Variants in ZNF532 observed in about 807,000 individuals in gnomAD.
The protein encoded by ZNF532 is zinc finger protein 532.
ZNF532 carries 22 observed loss-of-function variants against 89.3 expected under a neutral mutation model. The observed-to-expected ratio is 0.25, with a 90% CI of 0.18 to 0.35. ZNF532 has a LOEUF of 0.35. Ranked by LOEUF, ZNF532 falls within the 10% of genes least tolerant of loss-of-function variation. The pLI is 1.00. For synonymous variants in ZNF532, 606 were observed against 649.6 expected (o/e 0.93, Z 1.02); for missense variants, 1,132 against 1,643.4 (o/e 0.69, Z 5.38).
chr18:58,879,810 G>A (rs62093548), intron 2 of ZNF532, among the ~76,000 whole-genome samples: 13,750 of 152,144 alleles, frequency 0.09, 801 homozygotes, highest in Non-Finnish European at 0.13. Flanking sequence ...TCCGTCTTTC[G>A]TCTGTTCTCC....
chr18:58,970,804 C>G (rs1418871014), intron 7 of ZNF532, among the ~76,000 whole-genome samples: 1 of 152,250 alleles, frequency 6.6e-6, no homozygotes, highest in African/African-American at 2.4e-5. Flanking sequence ...CCCCACTGGC[C>G]AGTGGAGGTG....
rs117117551 is a variant in ZNF532, at chr18:58,925,079, T to C, written c.2346+4446T>C. Among the ~76,000 whole-genome samples the C allele has an allele frequency of 9.4e-4, 143 of 152,308 alleles. 4 individuals are homozygous for C. In the East Asian group the frequency reaches 0.022, roughly 23 times the overall value. On this transcript the variant is annotated intron_variant, in intron 3 of 9. Transcript: ENST00000591808. Reference sequence around the variant, plus strand: ...ATGATGGATAAAGCTATTATTAACATTGTGTATAGGTTTTTTTGTGGACAT... The same window carrying C: ...ATGATGGATAAAGCTATTATTAACACTGTGTATAGGTTTTTTTGTGGACAT...
At position 58,918,915 on chromosome 18, in the gene ZNF532, A is replaced by G; in HGVS notation, c.628A>G (p.Ile210Val). Residue 210 changes from isoleucine (I) to valine (V), a missense_variant, in exon 3 of 10, where the codon ATA (isoleucine) becomes GTA (valine). Physicochemically the swap from Ile to Val is conservative, Grantham distance 29 (BLOSUM62 3). This residue lies in a region of ZNF532 where 302 missense variants were observed against 319.8 expected (regional missense o/e 0.94). Transcript: ENST00000591808. ...TAAGAGAGAAACAGAAGCCAGTTCTATAAACCTGAGTGTTTATGAACCTTT... is the reference window on the plus strand; with the variant it reads ...TAAGAGAGAAACAGAAGCCAGTTCTGTAAACCTGAGTGTTTATGAACCTTT... ...AVKRETEASSINLSVYEPFKV... is the reference protein window; with the variant it reads ...AVKRETEASSVNLSVYEPFKV... The G allele has an allele frequency of 6.2e-6, 10 of 1,614,004 alleles. No individual in the cohort carries two copies. Among genetic ancestry groups the G allele is most frequent in the East Asian group, 2.2e-5 (1 of 44,888 alleles).
intron 7 of ZNF532, among the ~76,000 whole-genome samples, chr18:58,963,292 T>A (rs2065548750): frequency 1.3e-5 from 2 of 152,206 alleles, no homozygotes; most frequent in South Asian, 2.1e-4. Context: ...GCATTTTCCA[T>A]ACAGGGTGCA....
At chr18:58,863,516 C>G, upstream of ZNF532, 2 of 144,386 alleles carry the variant, frequency 1.4e-5, no homozygotes, top group Non-Finnish European at 1.5e-5. Flanking sequence ...CCGCCGCCGC[C>G]GCCGCCGCCC....
intron 2 of ZNF532, among the ~76,000 whole-genome samples, chr18:58,917,965 CA>C (rs894173101): frequency 6.6e-6 from 1 of 152,324 alleles, no homozygotes; most frequent in African/African-American, 2.4e-5. Flanking sequence ...CTAGTTGCTA[CA>C]CCAGAACCTG....
intron 7 of ZNF532, among the ~76,000 whole-genome samples, chr18:58,959,338 T>C (rs911907973): frequency 6.8e-6 from 1 of 148,056 alleles, no homozygotes; most frequent in African/African-American, 2.5e-5. Context: ...AGTAGGGTAA[T>C]CTTGGCTCAC....
intron 2 of ZNF532, among the ~76,000 whole-genome samples, chr18:58,886,169 CAG>C (rs2058289464): frequency 6.6e-6 from 1 of 151,906 alleles, no homozygotes; most frequent in South Asian, 2.1e-4. Context: ...TTAGTAGAGA[CAG>C]GGTTTCACCA....
intron 2 of ZNF532, among the ~76,000 whole-genome samples, chr18:58,913,471 C>G (rs546263254): frequency 3.3e-5 from 5 of 151,890 alleles, no homozygotes; most frequent in African/African-American, 1.2e-4. Context: ...TTTTTTGGGG[C>G]CAGGCACAGT....
chr18:58,942,349 C>CCCTTCCTCCCTCCCTCCCTT (rs2063240975), intron 5 of ZNF532, among the ~76,000 whole-genome samples: 5 of 43,184 alleles, frequency 1.2e-4, no homozygotes, highest in South Asian at 2.9e-3. Context: ...CTCCCTCCCT[C>CCCTTCCTCCCTCCCTCCCTT]CCTTCCTTCC....
chr18:58,981,373 G>A (rs1026153005), intron 8 of ZNF532, 97 bp from the exon 9 acceptor site: 15 of 1,488,902 alleles, frequency 1.0e-5, no homozygotes, highest in South Asian at 4.0e-5. Flanking sequence ...ACCTGTCTGT[G>A]TGAACTGACG....
At position 58,953,688 on chromosome 18, in the gene ZNF532, A is replaced by C; in HGVS notation, c.3039A>C (p.Lys1013Asn). 1 of 1,614,058 alleles carries C rather than the reference A, an allele frequency of 6.2e-7. No homozygotes were observed. The highest frequency in any genetic ancestry group is 8.5e-7 in the Non-Finnish European group (1 of 1,179,906). The change falls in exon 7 of 10, where the codon AAA (lysine) becomes AAC (asparagine). Residue 1013 changes from lysine to asparagine, a missense_variant. By Grantham distance (94) the Lys-to-Asn change is moderately conservative. Transcript: ENST00000591808. ...AGAAATCTCCATCTCCTGTGAAAAA[A>C]TCAATGGAAACCAAGAAAGTGGCCA... ...LEKKSPSPVK[K>N]SMETKKVASP...
At chr18:58,963,052 C>T (rs1429202300) in intron 7 of ZNF532, among the ~76,000 whole-genome samples, 1 of 152,084 alleles carries the variant, frequency 6.6e-6, no homozygotes, top group Non-Finnish European at 1.5e-5. Context: ...ACCAACACAC[C>T]TTTGTTGAGT....
At chr18:58,893,422 T>C (rs750946753) in intron 2 of ZNF532, among the ~76,000 whole-genome samples, 31 of 152,096 alleles carry the variant, frequency 2.0e-4, no homozygotes, top group Non-Finnish European at 3.1e-4. Context: ...ATCCCAGCAC[T>C]TTGGGAGGCT....
chr18:58,967,064 T>C (rs1034151314), intron 7 of ZNF532, among the ~76,000 whole-genome samples: 2 of 152,196 alleles, frequency 1.3e-5, no homozygotes, highest in African/African-American at 4.8e-5. Context: ...GCAATGAAAT[T>C]ATTAAAGTAA....
chr18:58,929,041 A>T (rs547709562), intron 3 of ZNF532, among the ~76,000 whole-genome samples: 1 of 152,368 alleles, frequency 6.6e-6, no homozygotes, highest in East Asian at 1.9e-4. Flanking sequence ...GTAGAATCAC[A>T]GAATGCTATA....
intron 2 of ZNF532, among the ~76,000 whole-genome samples, chr18:58,895,929 G>C (rs753685088): frequency 5.3e-5 from 8 of 151,518 alleles, no homozygotes; most frequent in Non-Finnish European, 1.2e-4. Context: ...TAGCTCACTG[G>C]CAGCCTTGAG....
At chr18:58,945,581 C>T (rs1215184260) in intron 5 of ZNF532, among the ~76,000 whole-genome samples, 1 of 152,174 alleles carries the variant, frequency 6.6e-6, no homozygotes, top group Non-Finnish European at 1.5e-5. Flanking sequence ...CAGAATCCCT[C>T]CCCAAAGGAA....
intron 2 of ZNF532, among the ~76,000 whole-genome samples, chr18:58,891,348 G>C (rs1171019752): frequency 6.6e-6 from 1 of 152,272 alleles, no homozygotes; most frequent in East Asian, 1.9e-4. Context: ...TGGCCAACAT[G>C]GCGAAACCCT....
Sources: gnomAD v4.1 joint callset for allele counts (sites outside exome capture counted in the v4.1 genomes callset) on GRCh38, gnomAD v4.1.1 for gene constraint, gnomAD v4.1.1 regional missense constraint, MANE v1.5 for transcripts, NCBI Gene and HGNC (gene_info 2026-07-23, HGNC 2026-07-21) for gene names.